The following CAMKMT variants were observed in gnomAD, a reference collection of about 807,000 sequenced individuals.
CAMKMT encodes the protein CaM KMT.
CAMKMT carries 53 observed loss-of-function variants against 48.0 expected under a neutral mutation model. That is an observed-to-expected ratio of 1.10 (90% confidence interval 0.89 to 1.39). The LOEUF (loss-of-function observed/expected upper bound fraction) is 1.39. CAMKMT is among the 40% of genes most tolerant of loss of function. CAMKMT has a pLI of 0.00. For synonymous variants in CAMKMT, 165 were observed against 152.3 expected (o/e 1.08, Z -0.61); for missense variants, 428 against 402.7 (o/e 1.06, Z -0.54).
chr2:44,699,677 G>A (rs1279875362), intron 3 of CAMKMT, among the ~76,000 whole-genome samples: 1 of 151,846 alleles, frequency 6.6e-6, no homozygotes, highest in Non-Finnish European at 1.5e-5. Context: ...TTCAATCCTA[G>A]CCCACTACAG....
chr2:44,490,394 G>A lies in CAMKMT; in HGVS notation c.376+100089G>A, dbSNP rs1319968744. Among the ~76,000 whole-genome samples the A allele has an allele frequency of 3.3e-5, 5 of 152,216 alleles. No homozygotes were observed. The East Asian group carries it at 5.8e-4, about 18-fold the overall frequency. ...GGGTTCAAGTGATTCTCCTGCCTCAGCCTCCTGAGTAGCTGGGATTACAGG... is the reference window on the plus strand; with the variant it reads ...GGGTTCAAGTGATTCTCCTGCCTCAACCTCCTGAGTAGCTGGGATTACAGG... On this transcript the variant is annotated intron_variant, in intron 3 of 10. Transcript: ENST00000378494.
intron 3 of CAMKMT, among the ~76,000 whole-genome samples, chr2:44,628,190 CT>C (rs1405407135): frequency 2.0e-5 from 3 of 152,116 alleles, no homozygotes; most frequent in African/African-American, 7.2e-5. Context: ...TCGAGCAGTC[CT>C]CCCACCTTGG....
chr2:44,583,009 T>C (rs1211606154), intron 3 of CAMKMT, among the ~76,000 whole-genome samples: 3 of 152,154 alleles, frequency 2.0e-5, no homozygotes, highest in Non-Finnish European at 4.4e-5. Flanking sequence ...GAAATTCGAA[T>C]TGTTCTGATA....
At chr2:44,473,072 G>A (rs960669575) in intron 3 of CAMKMT, among the ~76,000 whole-genome samples, 4 of 152,116 alleles carry the variant, frequency 2.6e-5, no homozygotes, top group African/African-American at 9.7e-5. Context: ...AATTCCTTCC[G>A]GGTTTGGGTG....
chr2:44,651,184 C>T (rs1318682819), intron 3 of CAMKMT, among the ~76,000 whole-genome samples: 1 of 152,160 alleles, frequency 6.6e-6, no homozygotes, highest in Non-Finnish European at 1.5e-5. Flanking sequence ...CTTACCCTAA[C>T]TAAATAGGCT....
chr2:44,492,753 A>T (rs1353396058), intron 3 of CAMKMT, among the ~76,000 whole-genome samples: 2 of 152,124 alleles, frequency 1.3e-5, no homozygotes, highest in African/African-American at 4.8e-5. Flanking sequence ...TCAAAATAGG[A>T]CACAGTTCTT....
At chr2:44,454,733 A>G (rs1366141183) in intron 3 of CAMKMT, among the ~76,000 whole-genome samples, 3 of 152,154 alleles carry the variant, frequency 2.0e-5, no homozygotes, top group Non-Finnish European at 4.4e-5. Context: ...ATCTGTGTAG[A>G]AGTCAAGCAT....
At chr2:44,630,490 C>T (rs972812863) in intron 3 of CAMKMT, among the ~76,000 whole-genome samples, 2 of 148,640 alleles carry the variant, frequency 1.3e-5, no homozygotes, top group East Asian at 2.0e-4. Context: ...TTTTCGCAAC[C>T]TACTCATCTG....
Position 44,372,871 on chromosome 2 carries a change from A to T in CAMKMT, c.294A>T (p.Glu98Asp), listed in dbSNP as rs1403053647. 1 of 1,613,376 alleles carries T rather than the reference A, an allele frequency of 6.2e-7. No homozygotes were observed. The highest frequency in any genetic ancestry group is 1.7e-5 in the Admixed American group (1 of 59,862). The change falls in exon 2 of 11, where the codon GAA (glutamate) becomes GAT (aspartate). Residue 98 changes from glutamate (E) to aspartate (D), a missense_variant. By Grantham distance (45) the Glu-to-Asp change is conservative (BLOSUM62 2). Coordinates refer to ENST00000378494, the MANE Select transcript of CAMKMT (RefSeq NM_024766.5). Reference protein sequence around the residue: ...WVQYTSIFCPEYSISLRHNSG... With the variant: ...WVQYTSIFCPDYSISLRHNSG... The stretch of plus-strand genomic sequence containing the variant: ...AATATACAAGCATCTTCTGTCCTGA[A>T]TACAGTATCTCCTTAAGGTAACCAT...
chr2:44,413,580 C>T (rs536391076), intron 3 of CAMKMT, among the ~76,000 whole-genome samples: 19 of 148,336 alleles, frequency 1.3e-4, no homozygotes, highest in African/African-American at 3.0e-4. Flanking sequence ...TGAACTGGGG[C>T]GGTAGAGGTC....
chr2:44,414,617 T>C (rs1683425690), intron 3 of CAMKMT, among the ~76,000 whole-genome samples: 1 of 152,130 alleles, frequency 6.6e-6, no homozygotes, highest in South Asian at 2.1e-4. Context: ...AGAAGTGACA[T>C]ACCATTACTG....
chr2:44,568,251 G>A (rs1490685931), intron 3 of CAMKMT, among the ~76,000 whole-genome samples: 2 of 152,118 alleles, frequency 1.3e-5, no homozygotes, highest in Admixed American at 1.3e-4. Context: ...CCTCCAAATG[G>A]GACCCTACTT....
At chr2:44,643,812 A>G (rs1673580587) in intron 3 of CAMKMT, among the ~76,000 whole-genome samples, 2 of 152,210 alleles carry the variant, frequency 1.3e-5, no homozygotes, top group Non-Finnish European at 2.9e-5. Flanking sequence ...CTGGAAAGAC[A>G]AGATGCTGGT....
intron 3 of CAMKMT, among the ~76,000 whole-genome samples, chr2:44,489,670 G>A (rs562055817): frequency 6.6e-6 from 1 of 152,248 alleles, no homozygotes; most frequent in South Asian, 2.1e-4. Flanking sequence ...TAATTGCCGT[G>A]AGAAGTAGCA....
chr2:44,518,030 A>G (rs979960960), intron 3 of CAMKMT, among the ~76,000 whole-genome samples: 1 of 152,258 alleles, frequency 6.6e-6, no homozygotes, highest in African/African-American at 2.4e-5. Flanking sequence ...CTCTGGTGCC[A>G]GCCAGTGTTT....
chr2:44,566,469 G>A lies in CAMKMT; in HGVS notation c.377-137814G>A, dbSNP rs145505857. Among the ~76,000 whole-genome samples, 48 of 152,250 alleles carry A rather than the reference G, an allele frequency of 3.2e-4. No homozygotes were observed. In the East Asian group the frequency reaches 8.9e-3, roughly 28 times the overall value. ...AATTAGTCCTTTGGGGCAGAATTTG[G>A]AATTTCTTTTCAGTCAGGCTGCTGG... On this transcript the variant is annotated intron_variant, in intron 3 of 10. Transcript: ENST00000378494.
intron 7 of CAMKMT, among the ~76,000 whole-genome samples, chr2:44,742,363 T>A (rs1679724771): frequency 6.6e-6 from 1 of 152,226 alleles, no homozygotes; most frequent in Non-Finnish European, 1.5e-5. Context: ...GTTACTGGAC[T>A]TGTGAACCCT....
chr2:44,734,165 T>C (rs978738787), intron 7 of CAMKMT, among the ~76,000 whole-genome samples: 5 of 152,232 alleles, frequency 3.3e-5, no homozygotes, highest in African/African-American at 7.2e-5. Flanking sequence ...AGTTCACTAA[T>C]TGAGACCTTT....
At chr2:44,650,088 A>C (rs962268670) in intron 3 of CAMKMT, among the ~76,000 whole-genome samples, 15 of 152,188 alleles carry the variant, frequency 9.9e-5, no homozygotes, top group African/African-American at 3.4e-4. Flanking sequence ...AGTACCACAC[A>C]CTAAGTTACC....
Sources: gnomAD v4.1 joint callset for allele counts (sites outside exome capture counted in the v4.1 genomes callset) on GRCh38, gnomAD v4.1.1 for gene constraint, MANE v1.5 for transcripts, NCBI Gene and HGNC (gene_info 2026-07-23, HGNC 2026-07-21) for gene names.